NIPAL3: variants seen among roughly 807,000 people sequenced by gnomAD.
NIPAL3 encodes NIPA like domain containing 3, also known as NIPA-like protein 3.
Under a neutral mutation model 47.2 loss-of-function variants are expected in NIPAL3, and 41 were observed. The observed-to-expected ratio is 0.87, with a 90% CI of 0.68 to 1.13. The LOEUF (loss-of-function observed/expected upper bound fraction) is 1.13, where lower values mean the gene tolerates loss of function less well. Among genes scored for constraint, NIPAL3 ranks in the 50% most tolerant of loss-of-function variants. NIPAL3 has a pLI of 0.00. For synonymous variants in NIPAL3, 194 were observed against 209.6 expected (o/e 0.93, Z 0.64); for missense variants, 449 against 530.1 (o/e 0.85, Z 1.50).
At chr1:24,436,752 G>T (rs2148794682) in intron 2 of NIPAL3, among the ~76,000 whole-genome samples, 1 of 151,978 alleles carries the variant, frequency 6.6e-6, no homozygotes, top group African/African-American at 2.4e-5. Context: ...ACCCGCCTTG[G>T]CCTCCCAAAC....
Position 24,456,214 on chromosome 1 carries a change from C to G in NIPAL3, c.714C>G (p.Asp238Glu). Residue 238 changes from aspartate to glutamate, a missense_variant, in exon 8 of 12, where the codon GAC becomes GAG. Coordinates refer to ENST00000374399, the MANE Select transcript of NIPAL3 (RefSeq NM_020448.5). ...CCATTCAAGGGAACCTGCAGCTTGACTACCCCATCTTCTACGTGATGTTCG... is the reference window on the plus strand; with the variant it reads ...CCATTCAAGGGAACCTGCAGCTTGAGTACCCCATCTTCTACGTGATGTTCG... Reference protein sequence around the residue: ...VLSIQGNLQLDYPIFYVMFVC... With the variant: ...VLSIQGNLQLEYPIFYVMFVC... 6.2e-7 allele frequency: 1 copy of G among 1,614,258 alleles called. No homozygotes were observed. Among genetic ancestry groups the G allele is most frequent in the Non-Finnish European group, 8.5e-7 (1 of 1,180,036 alleles).
Position 24,469,520 on chromosome 1 carries a change from T to C in NIPAL3, c.*335T>C, listed in dbSNP as rs1646835569. ...CAGTGACCAAAGGATGCTGTATCCTTCAGAGCTAAGGCAAGACAGAGAGTC... is the reference window on the plus strand; with the variant it reads ...CAGTGACCAAAGGATGCTGTATCCTCCAGAGCTAAGGCAAGACAGAGAGTC... On this transcript the variant is annotated 3_prime_UTR_variant, in exon 12 of 12. Coordinates refer to ENST00000374399, the MANE Select transcript of NIPAL3 (RefSeq NM_020448.5). 2 of 237,296 alleles carry C rather than the reference T, an allele frequency of 8.4e-6. No homozygotes were observed. The highest frequency in any genetic ancestry group is 9.9e-5 in the South Asian group (1 of 10,118). The allele number at this position is 237,296 out of a possible 1,614,324, so 14.7% of individuals were successfully genotyped here.
At chr1:24,457,895 G>T (rs1646295788) in intron 8 of NIPAL3, 6 of 488,396 alleles carry the variant, frequency 1.2e-5, no homozygotes, top group Non-Finnish European at 2.5e-5. Flanking sequence ...TATTATTTTT[G>T]GTCCCACTAC....
chr1:24,417,091 C>T (rs1644086533), intron 1 of NIPAL3, among the ~76,000 whole-genome samples: 1 of 152,078 alleles, frequency 6.6e-6, no homozygotes, highest in Non-Finnish European at 1.5e-5. Flanking sequence ...TTGATTAGGC[C>T]TTAGAAAGGC....
At chr1:24,423,685 A>C (rs776690656) in intron 2 of NIPAL3, among the ~76,000 whole-genome samples, 1 of 152,188 alleles carries the variant, frequency 6.6e-6, no homozygotes, top group Non-Finnish European at 1.5e-5. Flanking sequence ...GGGACACACC[A>C]AGGTCAGTTG....
At chr1:24,455,792 C>T (rs1163888608) in intron 7 of NIPAL3, among the ~76,000 whole-genome samples, 38 of 152,226 alleles carry the variant, frequency 2.5e-4, no homozygotes, top group Non-Finnish European at 1.5e-5. Context: ...TTCGTTGATC[C>T]ACTCGGATCC....
intron 2 of NIPAL3, among the ~76,000 whole-genome samples, chr1:24,423,155 A>G (rs1044125475): frequency 2.6e-5 from 4 of 152,248 alleles, no homozygotes; most frequent in African/African-American, 9.6e-5. Flanking sequence ...ACTGCCTTAC[A>G]TATTGAAGGT....
At chr1:24,438,923 T>C (rs555963988) in intron 2 of NIPAL3, among the ~76,000 whole-genome samples, 1 of 152,266 alleles carries the variant, frequency 6.6e-6, no homozygotes, top group African/African-American at 2.4e-5. Context: ...CAATTCCACT[T>C]ACAAGAATTT....
chr1:24,430,817 G>T (rs1028798992), intron 2 of NIPAL3, among the ~76,000 whole-genome samples: 3 of 152,168 alleles, frequency 2.0e-5, no homozygotes, highest in African/African-American at 7.2e-5. Flanking sequence ...GAAAGGGTCA[G>T]GGAAATTGAA....
At chr1:24,430,060 TA>T (rs1557493818) in intron 2 of NIPAL3, among the ~76,000 whole-genome samples, 1 of 152,192 alleles carries the variant, frequency 6.6e-6, no homozygotes, top group Admixed American at 6.5e-5. Flanking sequence ...AGACTTTCTT[TA>T]AAAATTAATT....
chr1:24,425,452 C>A (rs1431778999), intron 2 of NIPAL3, among the ~76,000 whole-genome samples: 7 of 152,154 alleles, frequency 4.6e-5, no homozygotes, highest in Non-Finnish European at 1.0e-4. Context: ...CAAGACAGAT[C>A]TTCCCTGGTT....
chr1:24,465,425 G>GTATATATATATA (rs59007633), intron 11 of NIPAL3: 1 of 149,182 alleles, frequency 6.7e-6, no homozygotes, highest in African/African-American at 2.4e-5. Flanking sequence ...ATTTGTGTGT[G>GTATATATATATA]TATATATATA....
At chr1:24,428,256 GAA>G (rs1166712973) in intron 2 of NIPAL3, among the ~76,000 whole-genome samples, 21 of 111,534 alleles carry the variant, frequency 1.9e-4, no homozygotes, top group African/African-American at 7.1e-4. Flanking sequence ...GTCTCAAAAA[GAA>G]AGAGAGAGAG....
chr1:24,465,389 A>G (rs1157845436), intron 11 of NIPAL3: 1 of 151,974 alleles, frequency 6.6e-6, no homozygotes, highest in African/African-American at 2.4e-5. Context: ...TGTGTTTACA[A>G]ACTATGTGTA....
chr1:24,452,856 T>TA, intron 6 of NIPAL3, among the ~76,000 whole-genome samples: 1 of 148,248 alleles, frequency 6.7e-6, no homozygotes, highest in African/African-American at 2.5e-5. Context: ...CCAGCTAATT[T>TA]TTTTTTTTTT....
In NIPAL3 at chr1:24,465,861, G is replaced by A. The variant is rs1646675706; in HGVS notation, c.1021+1741G>A. The stretch of plus-strand genomic sequence containing the variant: ...TTCCCTTTTGCTTTAAAAACCTTTG[G>A]AAGTTTCACACACTTGTTTGACCTG... On this transcript the variant is annotated intron_variant, in intron 11 of 11. Coordinates refer to ENST00000374399, the MANE Select transcript of NIPAL3 (RefSeq NM_020448.5). 5.4e-6 allele frequency: 7 copies of A among 1,305,926 alleles called. No homozygotes were observed. The Middle Eastern group carries it at 5.8e-4, about 109-fold the overall frequency. 80.9% of individuals were successfully genotyped at this position (1,305,926 alleles called of 1,614,324 possible).
intron 2 of NIPAL3, among the ~76,000 whole-genome samples, chr1:24,423,696 G>A (rs547720485): frequency 2.6e-5 from 4 of 152,178 alleles, no homozygotes; most frequent in Non-Finnish European, 4.4e-5. Context: ...AGGTCAGTTG[G>A]TTAGAAGCAG....
chr1:24,469,143 T>C lies in NIPAL3; in HGVS notation c.1179T>C (p.Ser393=), dbSNP rs1352598573. 3 of 1,614,106 alleles carry C rather than the reference T, an allele frequency of 1.9e-6. No homozygotes were observed. In the South Asian group the frequency reaches 3.3e-5, roughly 18 times the overall value. The change falls in exon 12 of 12, where the codon TCT becomes TCC. Residue 393 remains serine, a synonymous_variant. Transcript: ENST00000374399. ...MQEEHGSRSA[S]GVPYRVLEHT... ...AAGAGCACGGCTCCAGAAGTGCCTC[T>C]GGGGTCCCCTACCGAGTCCTAGAGC...
upstream of NIPAL3, chr1:24,415,626 C>CT (rs375091859): frequency 6.4e-6 from 1 of 156,278 alleles, no homozygotes; most frequent in Non-Finnish European, 1.4e-5. Flanking sequence ...AGGTCGCTCC[C>CT]TTATGCTTCA....
Sources: allele counts gnomAD v4.1 joint callset (sites outside exome capture counted in the v4.1 genomes callset), GRCh38; gene constraint gnomAD v4.1.1; transcripts MANE v1.5; gene names NCBI Gene and HGNC (gene_info 2026-07-23, HGNC 2026-07-21).